ARSG: variants seen among roughly 807,000 people sequenced by gnomAD.
ARSG encodes arylsulfatase G, also known as ASG.
Under a neutral mutation model 50.5 loss-of-function variants are expected in ARSG, and 37 were observed. The ratio of observed to expected loss-of-function variants is 0.73; its 90% confidence interval spans 0.56 to 0.96. ARSG has a LOEUF of 0.96. Ranked by LOEUF, ARSG falls within the 50% of genes least tolerant of loss-of-function variation. ARSG has a pLI of 0.00. For missense variants in ARSG, 629 were observed against 675.3 expected (o/e 0.93, Z 0.76); for synonymous variants, 225 against 254.6 (o/e 0.88, Z 1.11).
intron 11 of ARSG, among the ~76,000 whole-genome samples, chr17:68,414,867 C>T (rs2082270659): frequency 6.6e-6 from 1 of 152,036 alleles, no homozygotes; most frequent in Non-Finnish European, 1.5e-5. Context: ...TTTGTGATGT[C>T]TGTTGTAATA....
At chr17:68,272,673 T>G (rs782215108) in intron 1 of ARSG, 2 of 1,614,168 alleles carry the variant, frequency 1.2e-6, no homozygotes, top group South Asian at 2.2e-5. Flanking sequence ...AACATTCTCC[T>G]GTGGAAGCAA....
chr17:68,291,229 G>C (rs1207433942), upstream of ARSG: 1 of 151,404 alleles, frequency 6.6e-6, no homozygotes, highest in African/African-American at 2.4e-5. Flanking sequence ...AAGTTGGCTC[G>C]GGCTGGTGAG....
upstream of ARSG, among the ~76,000 whole-genome samples, chr17:68,288,416 A>G (rs1242520717): frequency 2.0e-5 from 3 of 152,194 alleles, no homozygotes; most frequent in Admixed American, 2.0e-4. Flanking sequence ...TGTAAGTTCC[A>G]GAATATAAAA....
intron 1 of ARSG, among the ~76,000 whole-genome samples, chr17:68,293,602 A>G (rs1168895519): frequency 2.0e-5 from 3 of 152,200 alleles, no homozygotes; most frequent in Non-Finnish European, 2.9e-5. Context: ...TCAACACTGC[A>G]TTAAGTGCCA....
At chr17:68,296,373 A>T (rs1239074746) in intron 1 of ARSG, among the ~76,000 whole-genome samples, 1 of 152,176 alleles carries the variant, frequency 6.6e-6, no homozygotes, top group Non-Finnish European at 1.5e-5. Flanking sequence ...TCTTGTCTAA[A>T]CAGGTACCTC....
intron 2 of ARSG, among the ~76,000 whole-genome samples, chr17:68,324,995 AG>A (rs1568469268): frequency 2.0e-5 from 3 of 152,082 alleles, no homozygotes; most frequent in Non-Finnish European, 4.4e-5. Flanking sequence ...GAGCAGCTTG[AG>A]GGCAGGGATT....
intron 2 of ARSG, among the ~76,000 whole-genome samples, chr17:68,313,681 C>CTTTTT (rs10660116): frequency 0.59 from 71,162 of 121,348 alleles, 23,044 homozygotes; most frequent in Middle Eastern, 0.73. Context: ...CTCTCTCTCT[C>CTTTTT]TCTTTTTTTT....
the ARSG span, among the ~76,000 whole-genome samples, chr17:68,433,736 C>G: frequency 7.5e-6 from 1 of 133,202 alleles, no homozygotes; most frequent in Non-Finnish European, 1.5e-5. Context: ...AAATTAATGT[C>G]AGAAAGATTC....
At chr17:68,322,676 G>A (rs955170902) in intron 2 of ARSG, among the ~76,000 whole-genome samples, 1 of 151,952 alleles carries the variant, frequency 6.6e-6, no homozygotes, top group Non-Finnish European at 1.5e-5. Context: ...TTCCCAAGAT[G>A]AGGACGTTAA....
At chr17:68,355,722 G>A (rs2079003362) in intron 5 of ARSG, among the ~76,000 whole-genome samples, 4 of 151,072 alleles carry the variant, frequency 2.6e-5, no homozygotes, top group Admixed American at 1.3e-4. Context: ...GATTACAGGC[G>A]TGAGCCACGG....
At chr17:68,374,377 G>T (rs891756580) in intron 8 of ARSG, among the ~76,000 whole-genome samples, 1 of 152,110 alleles carries the variant, frequency 6.6e-6, no homozygotes, top group Non-Finnish European at 1.5e-5. Context: ...GACCATGGAT[G>T]CAGGGGGAAG....
chr17:68,440,394 G>T, the ARSG span, among the ~76,000 whole-genome samples: 2 of 152,140 alleles, frequency 1.3e-5, no homozygotes, highest in African/African-American at 4.8e-5. Flanking sequence ...TCTGTTACAG[G>T]TGTTACACAA....
rs569674356 is a variant in ARSG, at chr17:68,300,634, C to T, written c.-551-6309C>T. 2.2e-4 allele frequency among the ~76,000 whole-genome samples: 34 copies of T among 152,204 alleles called. 1 individual carries two copies. The highest frequency in any genetic ancestry group is 7.2e-4 in the African/African-American group (30 of 41,534). On this transcript the variant is annotated intron_variant, in intron 1 of 11. Transcript: ENST00000621439. Reference sequence around the variant, plus strand: ...TGAGCGAGGACACAGATATAATTTCCGCAGGGCTACTGGGTTTTTAGATGC... The same window carrying T: ...TGAGCGAGGACACAGATATAATTTCTGCAGGGCTACTGGGTTTTTAGATGC...
chr17:68,403,483 T>C (rs1379049146), intron 11 of ARSG, among the ~76,000 whole-genome samples: 2 of 152,194 alleles, frequency 1.3e-5, no homozygotes, highest in African/African-American at 4.8e-5. Context: ...AACAGGGGCA[T>C]GTTCTGATTC....
At chr17:68,436,229 G>A in the ARSG span, among the ~76,000 whole-genome samples, 2 of 152,176 alleles carry the variant, frequency 1.3e-5, no homozygotes, top group South Asian at 2.1e-4. Context: ...CAAGCCCGAG[G>A]GGAAATAGTA....
the ARSG span, chr17:68,440,618 T>C: frequency 1.3e-5 from 2 of 152,218 alleles, no homozygotes; most frequent in Admixed American, 1.3e-4. Flanking sequence ...GGCTTTTGGA[T>C]GTGTTATAGC....
At chr17:68,337,859 C>T (rs942795324) in intron 2 of ARSG, among the ~76,000 whole-genome samples, 7 of 152,066 alleles carry the variant, frequency 4.6e-5, no homozygotes, top group East Asian at 3.9e-4. Flanking sequence ...TCAGGTGATC[C>T]GCCTGCCTTG....
chr17:68,358,367 A>G (rs1240423168), intron 6 of ARSG, among the ~76,000 whole-genome samples: 1 of 151,816 alleles, frequency 6.6e-6, no homozygotes, highest in East Asian at 1.9e-4. Context: ...AGCCTGGACA[A>G]CCTGGTGAGA....
At chr17:68,389,830 C>T (rs1451623962) in intron 9 of ARSG, among the ~76,000 whole-genome samples, 1 of 152,098 alleles carries the variant, frequency 6.6e-6, no homozygotes, top group Non-Finnish European at 1.5e-5. Context: ...CCTTCCACCC[C>T]AGGGCTGCCC....
Sources: gnomAD v4.1 joint callset for allele counts (sites outside exome capture counted in the v4.1 genomes callset) on GRCh38, gnomAD v4.1.1 for gene constraint, MANE v1.5 for transcripts, NCBI Gene and HGNC (gene_info 2026-07-23, HGNC 2026-07-21) for gene names.